The following PACS1 variants were observed in gnomAD, a reference collection of about 807,000 sequenced individuals.
PACS1 encodes PACS-1.
In PACS1, 24 loss-of-function variants were observed where a neutral mutation model predicts 115.0. The observed-to-expected ratio is 0.21, with a 90% CI of 0.15 to 0.29. The LOEUF is 0.29. Ranked by LOEUF, PACS1 falls within the 10% of genes least tolerant of loss-of-function variation. The pLI is 1.00. For missense variants in PACS1, 838 were observed against 1,251.2 expected, an observed-to-expected ratio of 0.67 and a Z score of 4.98; for synonymous variants, 453 against 504.5, an observed-to-expected ratio of 0.90 and a Z score of 1.37.
chr11:66,139,719 A>G (rs892158031), intron 1 of PACS1, among the ~76,000 whole-genome samples: 24 of 152,254 alleles, frequency 1.6e-4, no homozygotes, highest in Admixed American at 5.2e-4. Flanking sequence ...ACTCCATTGT[A>G]TATATATGTA....
chr11:66,126,039 CAAAAA>C (rs140207931), intron 1 of PACS1, among the ~76,000 whole-genome samples: 7 of 126,952 alleles, frequency 5.5e-5, no homozygotes, highest in Admixed American at 8.1e-5. Flanking sequence ...GACTCTGCCT[CAAAAA>C]AAAAAAAAAA....
At chr11:66,216,376 A>G (rs918863199) in intron 5 of PACS1, 113 bp downstream of exon 5, 2 of 1,459,544 alleles carry the variant, frequency 1.4e-6, no homozygotes, top group African/African-American at 1.4e-5. Context: ...AGACCCCTGA[A>G]AGTAAAATGT....
chr11:66,167,817 T>C (rs1323195301), intron 1 of PACS1, among the ~76,000 whole-genome samples: 1 of 150,390 alleles, frequency 6.6e-6, no homozygotes, highest in African/African-American at 2.5e-5. Context: ...TGTGGGATTA[T>C]TTCTGGGCAC....
chr11:66,121,875 CT>C (rs898458170), intron 1 of PACS1, among the ~76,000 whole-genome samples: 7 of 152,206 alleles, frequency 4.6e-5, no homozygotes, highest in African/African-American at 1.7e-4. Context: ...GCAGCAAGTG[CT>C]GATGCAGAAG....
At chr11:66,181,880 C>T (rs890913562) in intron 1 of PACS1, among the ~76,000 whole-genome samples, 4 of 152,146 alleles carry the variant, frequency 2.6e-5, no homozygotes, top group African/African-American at 4.8e-5. Context: ...GACTAGGATT[C>T]GTCAAATGCT....
chr11:66,232,608 C>A (rs1855620044), intron 14 of PACS1, among the ~76,000 whole-genome samples: 1 of 152,222 alleles, frequency 6.6e-6, no homozygotes, highest in African/African-American at 2.4e-5. Flanking sequence ...AAGCACCCGG[C>A]TGTAACCTCC....
chr11:66,219,585 T>C (rs1458666096), intron 7 of PACS1, 161 bp from the exon 8 acceptor site: 2 of 717,044 alleles, frequency 2.8e-6, no homozygotes, highest in Non-Finnish European at 5.1e-6. Flanking sequence ...ATTTGGCCTG[T>C]CTTCCTGACA....
At chr11:66,211,101 T>A (rs113671091) in intron 3 of PACS1, 33 bp from the exon 4 acceptor site, 1 of 1,611,114 alleles carries the variant, frequency 6.2e-7, no homozygotes, top group Non-Finnish European at 8.5e-7. Flanking sequence ...AGCTGCCCAT[T>A]AACCACGCTC....
chr11:66,075,144 T>G (rs920446089), intron 1 of PACS1, among the ~76,000 whole-genome samples: 1 of 152,048 alleles, frequency 6.6e-6, no homozygotes, highest in Non-Finnish European at 1.5e-5. Context: ...GGCGTTTCAC[T>G]GTGTTAGCCA....
chr11:66,132,341 C>T (rs898598031), intron 1 of PACS1, among the ~76,000 whole-genome samples: 3 of 152,158 alleles, frequency 2.0e-5, no homozygotes, highest in African/African-American at 7.2e-5. Flanking sequence ...CCTCCCCTAC[C>T]TTGTGGAACT....
intron 2 of PACS1, among the ~76,000 whole-genome samples, chr11:66,205,658 A>AT (rs535345581): frequency 0.029 from 4,078 of 139,000 alleles, 205 homozygotes; most frequent in African/African-American, 0.086. Context: ...AATACTCTTA[A>AT]TTTTTTTTTT....
At position 66,235,320 on chromosome 11, in the gene PACS1, G is replaced by A. The variant is rs1385817236; in HGVS notation, c.2124G>A (p.Gly708=). 6.2e-7 allele frequency: 1 copy of A among 1,614,014 alleles called. No homozygotes were observed. Among genetic ancestry groups the A allele is most frequent in the Non-Finnish European group, 8.5e-7 (1 of 1,179,920 alleles). The change falls in exon 18 of 24, where the codon GGG becomes GGA. Residue 708 remains glycine, a synonymous_variant. Transcript: ENST00000320580. The surrounding 1 kb of genome is among the most constrained non-coding windows in gnomAD (Gnocchi z 5.6). ...CTGCAGAGCAACTGGACGTGGCAGG[G>A]CGGGTGATGCAGTACGTCAACGGGG... ...PPVSEQLDVA[G]RVMQYVNGAA... is the part of the protein sequence containing the mutation.
In PACS1 at chr11:66,216,508, T is replaced by C. The variant is rs764250718; in HGVS notation, c.806-12T>C. 3 of 1,604,964 alleles carry C rather than the reference T, an allele frequency of 1.9e-6. No homozygotes were observed. The highest frequency in any genetic ancestry group is 2.7e-5 in the African/African-American group (2 of 74,720). On this transcript the variant is annotated splice_polypyrimidine_tract_variant and intron_variant, in intron 5 of 23. Transcript: ENST00000320580. ...CCATTGCAAGGTTATCTTACTCAGG[T>C]GTCTGTTGCAGATCGTTCTCCTGAT...
rs11227429 is a variant in PACS1 at position 66,211,587 on chromosome 11, A to C, written c.660+328A>C. ...GTTCTTTAACATATCACCACATTTC[A>C]TATGCTCTCCTCATAGATATATTGA... On this transcript the variant is annotated intron_variant, in intron 4 of 23. Transcript: ENST00000320580. Among the ~76,000 whole-genome samples the C allele has an allele frequency of 2.0e-5, 3 of 152,300 alleles. No homozygotes were observed. In the East Asian group the frequency reaches 5.8e-4, roughly 29 times the overall value.
chr11:66,167,717 G>A (rs1859640181), intron 1 of PACS1, among the ~76,000 whole-genome samples: 1 of 149,850 alleles, frequency 6.7e-6, no homozygotes, highest in Non-Finnish European at 1.5e-5. Context: ...TGTGAGGTGT[G>A]GATCCAACTT....
chr11:66,129,842 G>C (rs1858663232), intron 1 of PACS1, among the ~76,000 whole-genome samples: 1 of 152,050 alleles, frequency 6.6e-6, no homozygotes, highest in Admixed American at 6.6e-5. Context: ...CCATGTGTCT[G>C]CCATCCAAAA....
intron 1 of PACS1, among the ~76,000 whole-genome samples, chr11:66,159,210 G>T (rs1255821026): frequency 1.3e-5 from 2 of 152,216 alleles, no homozygotes; most frequent in Non-Finnish European, 2.9e-5. Flanking sequence ...GGCCAAGGCA[G>T]GTGGATCACC....
intron 1 of PACS1, among the ~76,000 whole-genome samples, chr11:66,136,182 C>T (rs117008812): frequency 6.6e-6 from 1 of 152,240 alleles, no homozygotes; most frequent in Non-Finnish European, 1.5e-5. Flanking sequence ...CTAATTCACT[C>T]TCTTTCAAAA....
intron 1 of PACS1, among the ~76,000 whole-genome samples, chr11:66,135,672 T>TG (rs1304305576): frequency 6.6e-6 from 1 of 151,356 alleles, no homozygotes; most frequent in East Asian, 1.9e-4. Context: ...TTTTTTTTTT[T>TG]TTGAGACAGA....
Sources: allele counts gnomAD v4.1 joint callset (sites outside exome capture counted in the v4.1 genomes callset), GRCh38; gene constraint gnomAD v4.1.1; non-coding constraint Gnocchi (gnomAD v3.1); transcripts MANE v1.5; gene names NCBI Gene and HGNC (gene_info 2026-07-23, HGNC 2026-07-21).